CSMD3: variants seen among roughly 807,000 people sequenced by gnomAD.
CSMD3 encodes CUB and sushi domain-containing protein 3.
CSMD3 carries 177 observed loss-of-function variants against 435.2 expected under a neutral mutation model. The ratio of observed to expected loss-of-function variants is 0.41; its 90% CI spans 0.36 to 0.46. The LOEUF is 0.46. Ranked by LOEUF, CSMD3 falls within the 20% of genes least tolerant of loss-of-function variation. The probability of loss-of-function intolerance (pLI) is 0.34; values close to 1 mark genes in which losing one functional copy is unlikely to be tolerated. For synonymous variants in CSMD3, 1,656 were observed against 1,520.5 expected (o/e 1.09, Z -2.07); for missense variants, 4,265 against 4,504.6 (o/e 0.95, Z 1.52).
chr8:112,229,437 C>A (rs11778501), intron 69 of CSMD3, among the ~76,000 whole-genome samples: 2 of 149,240 alleles, frequency 1.3e-5, no homozygotes, highest in Non-Finnish European at 3.0e-5. Context: ...TTCTTTTTTT[C>A]TTTTTTCTTG....
At chr8:112,408,782 GA>G (rs954264205) in intron 33 of CSMD3, 136 bp downstream of exon 33, 1,380 of 1,210,922 alleles carry the variant, frequency 1.1e-3, no homozygotes, top group South Asian at 1.8e-3. Context: ...CTATTCTTTA[GA>G]AAAAAAAAAG....
chr8:112,519,503 T>C (rs1028171526), intron 27 of CSMD3, among the ~76,000 whole-genome samples: 19 of 152,320 alleles, frequency 1.2e-4, no homozygotes, highest in South Asian at 2.1e-4. Context: ...CTAGGAATTA[T>C]CCAGTGACTA....
At chr8:112,586,421 A>G (rs1830734552) in intron 23 of CSMD3, among the ~76,000 whole-genome samples, 1 of 151,594 alleles carries the variant, frequency 6.6e-6, no homozygotes, top group Non-Finnish European at 1.5e-5. Flanking sequence ...AATATAAATC[A>G]GCAACTATGA....
chr8:112,536,475 C>T, intron 27 of CSMD3, among the ~76,000 whole-genome samples: 1 of 152,046 alleles, frequency 6.6e-6, no homozygotes, highest in Non-Finnish European at 1.5e-5. Flanking sequence ...CAATGAGATA[C>T]CATCTCACAC....
At chr8:112,345,102 A>C (rs140035678) in intron 41 of CSMD3, among the ~76,000 whole-genome samples, 151 of 152,258 alleles carry the variant, frequency 9.9e-4, no homozygotes, top group African/African-American at 3.5e-3. Context: ...ATACATCTCT[A>C]TATATAATTA....
chr8:113,025,341 G>A (rs1156935263), intron 5 of CSMD3, among the ~76,000 whole-genome samples: 1 of 152,152 alleles, frequency 6.6e-6, no homozygotes, highest in Non-Finnish European at 1.5e-5. Context: ...GTAGAAGCAG[G>A]AGTGTGGTTT....
intron 13 of CSMD3, among the ~76,000 whole-genome samples, chr8:112,787,939 AAG>A (rs1393247766): frequency 6.6e-6 from 1 of 152,144 alleles, no homozygotes; most frequent in African/African-American, 2.4e-5. Context: ...AAATAATTAA[AAG>A]AGTTTTATTG....
intron 29 of CSMD3, among the ~76,000 whole-genome samples, chr8:112,506,222 C>T (rs1045940168): frequency 2.0e-5 from 3 of 152,006 alleles, no homozygotes; most frequent in Non-Finnish European, 2.9e-5. Context: ...TTAGGAAAAA[C>T]AAACTGGCCT....
At chr8:112,975,335 G>T (rs377442677) in intron 7 of CSMD3, among the ~76,000 whole-genome samples, 9 of 152,134 alleles carry the variant, frequency 5.9e-5, no homozygotes, top group East Asian at 5.8e-4. Flanking sequence ...ACGATCACCA[G>T]ATATAATGTT....
chr8:113,303,357 A>G (rs1462295022), intron 2 of CSMD3, among the ~76,000 whole-genome samples: 1 of 150,462 alleles, frequency 6.6e-6, no homozygotes, highest in Non-Finnish European at 1.5e-5. Flanking sequence ...TACAGATTCA[A>G]TGCCGTCCCC....
At chr8:112,342,512 T>C (rs1422087035) in intron 41 of CSMD3, among the ~76,000 whole-genome samples, 1 of 152,154 alleles carries the variant, frequency 6.6e-6, no homozygotes, top group Admixed American at 6.5e-5. Context: ...ATTATATATA[T>C]TACCTGCCTT....
In CSMD3 at chr8:112,954,753, C is replaced by A. The variant is rs773630116; in HGVS notation, c.1351G>T (p.Ala451Ser). Reference sequence around the variant, plus strand: ...AATCCTCTAGATTTAAAATCTATGGCCTTTTTCACTAGTTAAGAAAACAAA... The same window carrying A: ...AATCCTCTAGATTTAAAATCTATGGACTTTTTCACTAGTTAAGAAAACAAA... The part of the protein sequence containing the change: ...LAVVTHRVKK[A>S]IDFKSRGFKL... Residue 451 changes from alanine (A) to serine (S), a missense_variant, in exon 8 of 71, where the codon GCC (alanine) becomes TCC (serine). Around this residue, in one of 3 missense-constraint regions of CSMD3, gnomAD observed 731 missense variants for 755.4 expected, o/e 0.97. Coordinates refer to ENST00000297405, the MANE Select transcript of CSMD3 (RefSeq NM_198123.2). 1.9e-6 allele frequency: 3 copies of A among 1,556,282 alleles called. No homozygotes were observed. Among genetic ancestry groups the A allele is most frequent in the Non-Finnish European group, 2.7e-6 (3 of 1,129,696 alleles).
intron 4 of CSMD3, among the ~76,000 whole-genome samples, chr8:113,167,519 G>A (rs2092176368): frequency 6.6e-6 from 1 of 152,114 alleles, no homozygotes; most frequent in Non-Finnish European, 1.5e-5. Flanking sequence ...TACTAAAACA[G>A]TCTAATCAGG....
Position 112,587,112 on chromosome 8 carries a change from T to G in CSMD3, c.3839A>C (p.Asn1280Thr), listed in dbSNP as rs78244389. ...SIQVQAGKGI[N>T]ISARTFHLAQ... is the part of the protein sequence containing the mutation. ...TAAATGAAATGTTCTGGCTGAAATA[T>G]TGATTCCCTTTCCTGCTTGAACCTG... Residue 1280 changes from asparagine to threonine, a missense_variant, in exon 23 of 71, where the codon AAT (asparagine) becomes ACT (threonine). Physicochemically the swap from Asn to Thr is moderately conservative, Grantham distance 65 (BLOSUM62 0). Around this residue, in one of 3 missense-constraint regions of CSMD3, gnomAD observed 3,255 missense variants for 3,380.2 expected, o/e 0.96. Coordinates refer to ENST00000297405, the MANE Select transcript of CSMD3 (RefSeq NM_198123.2). 8.7e-6 allele frequency: 14 copies of G among 1,611,142 alleles called. No individual in the cohort carries two copies. In the African/African-American group the frequency reaches 1.9e-4, roughly 22 times the overall value.
At chr8:112,556,076 CT>C (rs56229317) in intron 25 of CSMD3, among the ~76,000 whole-genome samples, 13,733 of 151,912 alleles carry the variant, frequency 0.09, 842 homozygotes, top group Non-Finnish European at 0.13. Flanking sequence ...GTATTCCAAT[CT>C]GACACCTACT....
At chr8:113,408,474 A>G (rs1485771157) in intron 1 of CSMD3, among the ~76,000 whole-genome samples, 2 of 152,170 alleles carry the variant, frequency 1.3e-5, no homozygotes, top group South Asian at 2.1e-4. Context: ...ACGTTTTTCA[A>G]TTAAGTAATA....
At chr8:113,083,331 T>A (rs1223329439) in intron 5 of CSMD3, among the ~76,000 whole-genome samples, 1 of 151,900 alleles carries the variant, frequency 6.6e-6, no homozygotes, top group Non-Finnish European at 1.5e-5. Flanking sequence ...GAGAATGAGA[T>A]GATATATTCA....
chr8:112,485,042 A>T (rs1267782477), intron 31 of CSMD3, among the ~76,000 whole-genome samples: 1 of 152,162 alleles, frequency 6.6e-6, no homozygotes, highest in Non-Finnish European at 1.5e-5. Flanking sequence ...GGATTTGTTT[A>T]TAACAATGTT....
intron 6 of CSMD3, among the ~76,000 whole-genome samples, chr8:112,991,239 T>A (rs2085447013): frequency 6.6e-6 from 1 of 151,600 alleles, no homozygotes; most frequent in Non-Finnish European, 1.5e-5. Flanking sequence ...TATATATATA[T>A]TCCTGTAAAA....
Sources: allele counts gnomAD v4.1 joint callset (sites outside exome capture counted in the v4.1 genomes callset), GRCh38; gene constraint gnomAD v4.1.1; regional missense constraint gnomAD v4.1.1; transcripts MANE v1.5; gene names NCBI Gene and HGNC (gene_info 2026-07-23, HGNC 2026-07-21).